HSPG2: variants seen among roughly 807,000 people sequenced by gnomAD.
HSPG2 encodes the protein basement membrane-specific heparan sulfate proteoglycan core protein.
A neutral mutation model predicts 526.6 loss-of-function variants in HSPG2; 278 were observed. The observed-to-expected ratio is 0.53, with a 90% confidence interval of 0.48 to 0.58. The LOEUF is 0.58. Among genes scored for constraint, HSPG2 ranks in the 20% least tolerant of loss-of-function variants. HSPG2 has a pLI of 0.00. For missense variants in HSPG2, 5,354 were observed against 6,099.5 expected (o/e 0.88, Z 4.07); for synonymous variants, 2,465 against 2,555.4 (o/e 0.96, Z 1.07).
rs375710656 is a variant in HSPG2, at chr1:21,884,692, C to T, written c.1508-18G>A. 4.0e-5 allele frequency: 65 copies of T among 1,610,428 alleles called. 1 individual carries two copies. The highest frequency in any genetic ancestry group is 4.8e-5 in the Non-Finnish European group (57 of 1,178,760). ...GCAGGGGCCTGCTGGGCGGCATGGG[C>T]GGGGGCTGCAGCCGGCTGTGGTGGG... On this transcript the variant is annotated intron_variant, in intron 12 of 96. Coordinates refer to ENST00000374695, the MANE Select transcript of HSPG2 (RefSeq NM_005529.7).
intron 74 of HSPG2, 105 bp downstream of exon 74, chr1:21,838,720 G>T (rs371073810): frequency 1.6e-6 from 2 of 1,225,782 alleles, no homozygotes; most frequent in Non-Finnish European, 2.3e-6. Context: ...GGCATTCCAG[G>T]TGGGGTTATG....
intron 47 of HSPG2, 59 bp from the exon 48 acceptor site, chr1:21,855,042 G>T: frequency 3.1e-6 from 5 of 1,589,432 alleles, no homozygotes; most frequent in Non-Finnish European, 4.3e-6. Flanking sequence ...GCTGGCCAGG[G>T]GGACAGATAG....
chr1:21,885,486 C>A (rs372030302), intron 9 of HSPG2, 35 bp from the exon 10 acceptor site: 236 of 1,612,614 alleles, frequency 1.5e-4, no homozygotes, highest in Non-Finnish European at 1.9e-4. Context: ...CAATAGCCCA[C>A]CCCGTCCATC....
chr1:21,890,596 C>T lies in HSPG2; in HGVS notation c.343G>A (p.Val115Met). The T allele has an allele frequency of 6.2e-7, 1 of 1,612,790 alleles. No homozygotes were observed. The highest frequency in any genetic ancestry group is 8.5e-7 in the Non-Finnish European group (1 of 1,178,736). The change falls in exon 4 of 97, where the codon GTG (valine) becomes ATG (methionine). Residue 115 changes from valine (V) to methionine (M), a missense_variant. Physicochemically the swap from Val to Met is conservative, Grantham distance 21 (BLOSUM62 1). Coordinates refer to ENST00000374695, the MANE Select transcript of HSPG2 (RefSeq NM_005529.7). The surrounding 1 kb of genome is among the most constrained non-coding windows in gnomAD (Gnocchi z 4.1). ...CCCCTTCACCTCACCGTGTCTACCA[C>T]AGCCTCGGACACCTCTCGGAACTCT... The part of the protein sequence containing the change: ...SREFREVSEA[V>M]VDTLESEYLK...
Position 21,851,719 on chromosome 1 carries a change from G to A in HSPG2, c.7007-22C>T, listed in dbSNP as rs533286105. The A allele has an allele frequency of 1.9e-5, 30 of 1,613,884 alleles. No individual in the cohort carries two copies. In the African/African-American group the frequency reaches 1.9e-4, roughly 10 times the overall value. On this transcript the variant is annotated intron_variant, in intron 54 of 96. Coordinates refer to ENST00000374695, the MANE Select transcript of HSPG2 (RefSeq NM_005529.7). ...GCAGCTGAGGGATAAGATGGTCACC[G>A]GTCACTCCTGTTCTCTGAAGCCACT...
chr1:21,933,908 C>G (rs1443996009), intron 1 of HSPG2, among the ~76,000 whole-genome samples: 1 of 152,226 alleles, frequency 6.6e-6, no homozygotes, highest in African/African-American at 2.4e-5. Flanking sequence ...TGCAGTTCAG[C>G]TGGCAGCCTC....
In HSPG2 at chr1:21,850,443, T is replaced by G. The variant is rs1282814890; in HGVS notation, c.7214A>C (p.Tyr2405Ser). 1 of 1,611,864 alleles carries G rather than the reference T, an allele frequency of 6.2e-7. No homozygotes were observed. The highest frequency in any genetic ancestry group is 1.7e-5 in the Admixed American group (1 of 59,920). Reference protein sequence around the residue: ...YQASPADSGEYVCRVLGSSVP... With the variant: ...YQASPADSGESVCRVLGSSVP... ...GGAGCTGCCCAACACTCGGCACACG[T>G]ACTCGCCCGAGTCGGCGGGGGACGC... Residue 2405 changes from tyrosine (Y) to serine (S), a missense_variant, in exon 56 of 97, where the codon TAC (tyrosine) becomes TCC (serine). Coordinates refer to ENST00000374695, the MANE Select transcript of HSPG2 (RefSeq NM_005529.7).
In HSPG2 at chr1:21,855,802, T is replaced by C. The variant is rs1192648239; in HGVS notation, c.5686A>G (p.Thr1896Ala). 6.2e-7 allele frequency: 1 copy of C among 1,612,956 alleles called. No homozygotes were observed. The highest frequency in any genetic ancestry group is 2.2e-5 in the East Asian group (1 of 44,834). ...RCSATGSPTP[T>A]LEWTGGPGGQ... ...ACGGCCTCACCTGTCCACTCGAGGG[T>C]GGGCGTGGGGCTCCCTGTGGCGCTG... The change falls in exon 45 of 97, where the codon ACC becomes GCC. Residue 1896 changes from threonine (T) to alanine (A), a missense_variant. Transcript: ENST00000374695.
At chr1:21,935,412 C>A (rs1469123908) in intron 1 of HSPG2, among the ~76,000 whole-genome samples, 1 of 152,170 alleles carries the variant, frequency 6.6e-6, no homozygotes, top group Non-Finnish European at 1.5e-5. Flanking sequence ...CAGGGCCTGT[C>A]CTTGCTGGTC....
At chr1:21,860,323 C>A in intron 39 of HSPG2, 88 bp from the exon 40 acceptor site, 1 of 1,253,562 alleles carries the variant, frequency 8.0e-7, no homozygotes, top group Non-Finnish European at 1.1e-6. Flanking sequence ...GCTCAGCAGG[C>A]CACCCAATGT....
At chr1:21,881,527 A>C in intron 13 of HSPG2, 25 bp from the exon 14 acceptor site, 1 of 1,603,592 alleles carries the variant, frequency 6.2e-7, no homozygotes. Context: ...GGGGAGGCTG[A>C]GGGCTGCAGC....
intron 13 of HSPG2, among the ~76,000 whole-genome samples, chr1:21,882,628 T>C (rs1187243699): frequency 6.6e-6 from 1 of 152,168 alleles, no homozygotes; most frequent in Non-Finnish European, 1.5e-5. Flanking sequence ...ACCAGCAACA[T>C]GTGGCCACTG....
In HSPG2 at chr1:21,884,853, T is replaced by C. The variant is rs1437546630; in HGVS notation, c.1421A>G (p.Gln474Arg). ...LIIRDVKESD[Q>R]GAYTCEAMNA... ...CATGGCCTCACAGGTGTAGGCACCCTGGTCTGACTCCTTCACATCACGGAT... is the reference window on the plus strand; with the variant it reads ...CATGGCCTCACAGGTGTAGGCACCCCGGTCTGACTCCTTCACATCACGGAT... The change falls in exon 12 of 97, where the codon CAG becomes CGG. Residue 474 changes from glutamine (Q) to arginine (R), a missense_variant. Coordinates refer to ENST00000374695, the MANE Select transcript of HSPG2 (RefSeq NM_005529.7). The C allele has an allele frequency of 1.2e-6, 2 of 1,613,820 alleles. No individual in the cohort carries two copies. Among genetic ancestry groups the C allele is most frequent in the Admixed American group, 1.7e-5 (1 of 60,012 alleles).
intron 67 of HSPG2, 80 bp downstream of exon 67, chr1:21,842,690 T>C: frequency 6.3e-7 from 1 of 1,580,012 alleles, no homozygotes; most frequent in Non-Finnish European, 8.7e-7. Flanking sequence ...GGCTGGTGTT[T>C]GCATGAGGTT....
chr1:21,849,640 C>T (rs896759118), intron 57 of HSPG2, among the ~76,000 whole-genome samples: 5 of 151,254 alleles, frequency 3.3e-5, no homozygotes, highest in Non-Finnish European at 4.4e-5. Flanking sequence ...ATGCAAGTAG[C>T]GGAACAGTGT....
At chr1:21,870,874 T>G (rs1640591467) in intron 33 of HSPG2, 1 of 986,204 alleles carries the variant, frequency 1.0e-6, no homozygotes, top group African/African-American at 1.7e-5. Flanking sequence ...CGCCTCCCCC[T>G]GTGGGGCGCA....
chr1:21,823,290 G>A lies in HSPG2; in HGVS notation c.*26C>T. On this transcript the variant is annotated 3_prime_UTR_variant, in exon 97 of 97. Coordinates refer to ENST00000374695, the MANE Select transcript of HSPG2 (RefSeq NM_005529.7). ...CATTGTCGGGCTGGGGCGTGGCCCGGGAGTCCGTGTGGGGCAGGCAGGTGC... is the reference window on the plus strand; with the variant it reads ...CATTGTCGGGCTGGGGCGTGGCCCGAGAGTCCGTGTGGGGCAGGCAGGTGC... The A allele has an allele frequency of 1.3e-6, 2 of 1,493,212 alleles. No individual in the cohort carries two copies. The highest frequency in any genetic ancestry group is 1.8e-6 in the Non-Finnish European group (2 of 1,122,268). The allele number at this position is 1,493,212 out of a possible 1,614,324, so 92.5% of individuals were successfully genotyped here. A position where few individuals can be genotyped will look rare whatever the true frequency, so the allele number is the denominator to read the frequency against.
intron 29 of HSPG2, 74 bp downstream of exon 29, chr1:21,873,851 C>T (rs754285715): frequency 4.5e-5 from 59 of 1,311,942 alleles, no homozygotes; most frequent in Non-Finnish European, 5.9e-5. Context: ...GGGTTGGGAG[C>T]GCTGGGCCCT....
intron 30 of HSPG2, 131 bp downstream of exon 30, chr1:21,873,244 C>T: frequency 8.2e-7 from 1 of 1,221,312 alleles, no homozygotes. Flanking sequence ...GGGCCTTCTC[C>T]TATCCCCATT....
Sources: allele counts gnomAD v4.1 joint callset (sites outside exome capture counted in the v4.1 genomes callset), GRCh38; gene constraint gnomAD v4.1.1; non-coding constraint Gnocchi (gnomAD v3.1); transcripts MANE v1.5; gene names NCBI Gene and HGNC (gene_info 2026-07-23, HGNC 2026-07-21).